Variants in PRKD1 observed in about 807,000 individuals in gnomAD.
PRKD1 encodes protein kinase D1.
Under a neutral mutation model 95.9 loss-of-function variants are expected in PRKD1, and 63 were observed. The observed-to-expected ratio is 0.66, with a 90% CI of 0.54 to 0.81. The LOEUF (loss-of-function observed/expected upper bound fraction) is 0.81, where lower values mean the gene tolerates loss of function less well. PRKD1 is among the 30% of genes least tolerant of loss of function. PRKD1 has a pLI of 0.00. For missense variants in PRKD1, 1,048 were observed against 1,165.3 expected, an observed-to-expected ratio of 0.90 and a Z score of 1.47; for synonymous variants, 425 against 423.1, an observed-to-expected ratio of 1.00 and a Z score of -0.05.
At chr14:29,852,361 T>A (rs867373395) in intron 1 of PRKD1, among the ~76,000 whole-genome samples, 2 of 151,948 alleles carry the variant, frequency 1.3e-5, no homozygotes, top group South Asian at 4.1e-4. Context: ...CTAGAGAAAT[T>A]AGAAGGTAAA....
intron 1 of PRKD1, among the ~76,000 whole-genome samples, chr14:29,731,026 G>A (rs146718181): frequency 1.2e-4 from 19 of 152,158 alleles, no homozygotes; most frequent in African/African-American, 4.3e-4. Context: ...CAAAAAAAAG[G>A]TAAGTAAGTG....
intron 1 of PRKD1, among the ~76,000 whole-genome samples, chr14:29,813,138 C>T (rs1427604789): frequency 1.3e-5 from 2 of 152,052 alleles, no homozygotes; most frequent in African/African-American, 4.8e-5. Context: ...AGACTTCTCT[C>T]ATCTATTTAA....
chr14:29,807,169 G>A (rs548863568), intron 1 of PRKD1, among the ~76,000 whole-genome samples: 5 of 152,232 alleles, frequency 3.3e-5, no homozygotes, highest in Non-Finnish European at 7.4e-5. Flanking sequence ...ATCTGATGCC[G>A]CTGATCTGAC....
At chr14:29,606,865 C>A (rs1878014174) in intron 13 of PRKD1, among the ~76,000 whole-genome samples, 1 of 152,152 alleles carries the variant, frequency 6.6e-6, no homozygotes, top group South Asian at 2.1e-4. Context: ...ACAAGGAAAG[C>A]CTGGAAACCT....
chr14:29,834,707 T>C (rs1206849057), intron 1 of PRKD1, among the ~76,000 whole-genome samples: 3 of 152,138 alleles, frequency 2.0e-5, no homozygotes, highest in Non-Finnish European at 1.5e-5. Flanking sequence ...ACTAAACTTA[T>C]GGGGCAATTC....
At chr14:29,714,738 GA>G (rs1181700985) in intron 2 of PRKD1, among the ~76,000 whole-genome samples, 1 of 152,160 alleles carries the variant, frequency 6.6e-6, no homozygotes, top group Non-Finnish European at 1.5e-5. Flanking sequence ...ACTGGATAAA[GA>G]AAATGTGGCA....
chr14:29,921,492 A>T (rs917418191), intron 1 of PRKD1, among the ~76,000 whole-genome samples: 2 of 152,184 alleles, frequency 1.3e-5, no homozygotes, highest in African/African-American at 4.8e-5. Flanking sequence ...GCACGTATTT[A>T]CAAAGCAGTA....
chr14:29,630,570 T>A (rs1190433190), intron 10 of PRKD1, 172 bp downstream of exon 10: 4 of 719,538 alleles, frequency 5.6e-6, no homozygotes, highest in Non-Finnish European at 9.0e-6. Flanking sequence ...AAACTAAACA[T>A]CTTAGTATGT....
At chr14:29,616,120 G>C (rs1384305471) in intron 13 of PRKD1, among the ~76,000 whole-genome samples, 1 of 151,468 alleles carries the variant, frequency 6.6e-6, no homozygotes, top group Non-Finnish European at 1.5e-5. Context: ...TAAATGGAGG[G>C]AAACGTTTAG....
At position 29,826,828 on chromosome 14, in the gene PRKD1, TATATATATATACACAC is replaced by T. The variant is rs1174434350; in HGVS notation, c.264+100405_264+100420del. Among the ~76,000 whole-genome samples the T allele has an allele frequency of 8.9e-3, 314 of 35,222 alleles. 41 individuals carry two copies. Among genetic ancestry groups the T allele is most frequent in the Non-Finnish European group, 0.012 (230 of 18,798 alleles). The allele number at this position is 35,222 out of a possible 152,430, so 23.1% of individuals were successfully genotyped here. A position where few individuals can be genotyped will look rare whatever the true frequency, so the allele number is the denominator to read the frequency against. Reference sequence around the variant, plus strand: ...ACATATATATACACATATATATATATATATATATATACACACATATATATATATATATATATATATA... The same window carrying T: ...ACATATATATACACATATATATATATATATATATATATATATATATATATA... On this transcript the variant is annotated intron_variant, in intron 1 of 17. Coordinates refer to ENST00000331968, the MANE Select transcript of PRKD1 (RefSeq NM_002742.3).
intron 1 of PRKD1, among the ~76,000 whole-genome samples, chr14:29,920,290 G>C (rs1477972018): frequency 6.6e-6 from 1 of 151,994 alleles, no homozygotes; most frequent in Non-Finnish European, 1.5e-5. Flanking sequence ...AAGATGAGTA[G>C]TATCTTTTAT....
chr14:29,782,435 A>G (rs551614226), intron 1 of PRKD1, among the ~76,000 whole-genome samples: 127 of 152,360 alleles, frequency 8.3e-4, no homozygotes, highest in African/African-American at 2.9e-3. Flanking sequence ...AAGATAAATT[A>G]TAACTATGAG....
At chr14:29,719,308 C>A (rs764413808) in intron 2 of PRKD1, among the ~76,000 whole-genome samples, 3 of 152,048 alleles carry the variant, frequency 2.0e-5, no homozygotes, top group Non-Finnish European at 4.4e-5. Flanking sequence ...GTTTTCTTAA[C>A]CTCATTAAAG....
intron 1 of PRKD1, among the ~76,000 whole-genome samples, chr14:29,831,449 GTT>G (rs71108500): frequency 1.0e-3 from 134 of 128,520 alleles, no homozygotes; most frequent in Middle Eastern, 9.0e-3. Flanking sequence ...AGAATGTTTG[GTT>G]TTTTTTTTTT....
At chr14:29,644,829 A>G (rs1323286715) in intron 4 of PRKD1, among the ~76,000 whole-genome samples, 4 of 152,102 alleles carry the variant, frequency 2.6e-5, no homozygotes, top group African/African-American at 9.7e-5. Context: ...AACTATTTTC[A>G]TAGCACTTTA....
Position 29,725,671 on chromosome 14 carries a change from G to A in PRKD1, c.268C>T (p.Pro90Ser), listed in dbSNP as rs45458201. The A allele has an allele frequency of 4.8e-5, 78 of 1,612,458 alleles. No homozygotes were observed. In the Admixed American group the frequency reaches 1.3e-3, roughly 27 times the overall value. ...TACATTCCGTAGAAACCACATTCAG[G>A]GAACTGCAAATACAAATACCATGAG... ...MACSIVDQKFPECGFYGMYDK... is the reference protein window; with the variant it reads ...MACSIVDQKFSECGFYGMYDK... Residue 90 changes from proline to serine, a missense_variant, in exon 2 of 18, where the codon CCT becomes TCT. Physicochemically the swap from Pro to Ser is moderately conservative, Grantham distance 74 (BLOSUM62 -1). Coordinates refer to ENST00000331968, the MANE Select transcript of PRKD1 (RefSeq NM_002742.3).
intron 2 of PRKD1, among the ~76,000 whole-genome samples, chr14:29,707,030 TA>T (rs199652826): frequency 6.6e-6 from 1 of 152,008 alleles, no homozygotes; most frequent in African/African-American, 2.4e-5. Flanking sequence ...TCTAATGTAT[TA>T]AAAAAAATGG....
In PRKD1 at chr14:29,826,435, A is replaced by AAT. The variant is rs199951386; in HGVS notation, c.265-100763_265-100762dup. ...GAATATATATATACATATATGATGG[A>AAT]ATATATATATACATATATATGATGG... On this transcript the variant is annotated intron_variant, in intron 1 of 17. Coordinates refer to ENST00000331968, the MANE Select transcript of PRKD1 (RefSeq NM_002742.3). 3.6e-3 allele frequency among the ~76,000 whole-genome samples: 365 copies of AAT among 100,600 alleles called. 7 individuals carry two copies. The highest frequency in any genetic ancestry group is 6.7e-3 in the South Asian group (20 of 3,004). The allele number at this position is 100,600 out of a possible 152,430, so 66.0% of individuals were successfully genotyped here. A position where few individuals can be genotyped will look rare whatever the true frequency, so the allele number is the denominator to read the frequency against.
chr14:29,763,432 G>T (rs1888110464), intron 1 of PRKD1, among the ~76,000 whole-genome samples: 1 of 97,974 alleles, frequency 1.0e-5, no homozygotes, highest in African/African-American at 3.8e-5. Context: ...GAAGGGAGGG[G>T]GAGGGAGGGG....
Sources: gnomAD v4.1 joint callset for allele counts (sites outside exome capture counted in the v4.1 genomes callset) on GRCh38, gnomAD v4.1.1 for gene constraint, MANE v1.5 for transcripts, NCBI Gene and HGNC (gene_info 2026-07-23, HGNC 2026-07-21) for gene names.